Variants in PPP2CB observed in about 807,000 individuals in gnomAD.
The protein encoded by PPP2CB is protein phosphatase 2 catalytic subunit beta, also known as serine/threonine-protein phosphatase 2A catalytic subunit beta isoform.
In PPP2CB, 18 loss-of-function variants were observed where a neutral mutation model predicts 39.1. The ratio of observed to expected loss-of-function variants is 0.46; its 90% confidence interval spans 0.32 to 0.68. PPP2CB has a LOEUF of 0.68. PPP2CB is among the 30% of genes least tolerant of loss of function. PPP2CB has a pLI of 0.04. For synonymous variants in PPP2CB, 129 were observed against 133.8 expected, an observed-to-expected ratio of 0.96 and a Z score of 0.25; for missense variants, 226 against 396.9, an observed-to-expected ratio of 0.57 and a Z score of 3.66.
Position 30,812,794 on chromosome 8 carries a change from C to A in PPP2CB, c.-373G>T, listed in dbSNP as rs530063492. The stretch of plus-strand genomic sequence containing the variant: ...GCCCGCCTCACGCCTACCGGCCTCT[C>A]CCGACTTGTCTTTCCCCTTCTCTCG... On this transcript the variant is annotated 5_prime_UTR_variant, in exon 1 of 7. Transcript: ENST00000221138. 1.7e-4 allele frequency: 77 copies of A among 463,526 alleles called. No individual in the cohort carries two copies. Among genetic ancestry groups the A allele is most frequent in the Middle Eastern group, 1.6e-3 (5 of 3,106 alleles). 28.7% of individuals were successfully genotyped at this position (463,526 alleles called of 1,614,324 possible). A position where few individuals can be genotyped will look rare whatever the true frequency, so the allele number is the denominator to read the frequency against.
intron 6 of PPP2CB, among the ~76,000 whole-genome samples, chr8:30,790,331 T>C (rs1806410366): frequency 6.6e-6 from 1 of 152,214 alleles, no homozygotes; most frequent in African/African-American, 2.4e-5. Context: ...TTCTTGGCTT[T>C]TTCCCTGGTG....
chr8:30,794,083 C>A lies in PPP2CB; in HGVS notation c.577-5G>T, dbSNP rs1346617296. On this transcript the variant is annotated splice_region_variant and splice_polypyrimidine_tract_variant and intron_variant, in intron 4 of 6. Transcript: ENST00000221138. ...TAACAGATCACACATTGGGCCCTGG[C>A]CAAGAAAAATAAGTACATGTTACAA... is the stretch of plus-strand genomic sequence containing the variant. 3 of 1,603,410 alleles carry A rather than the reference C, an allele frequency of 1.9e-6. No individual in the cohort carries two copies. Among genetic ancestry groups the A allele is most frequent in the Non-Finnish European group, 2.6e-6 (3 of 1,174,474 alleles).
At chr8:30,808,745 C>G (rs1368216518) in intron 1 of PPP2CB, among the ~76,000 whole-genome samples, 1 of 151,936 alleles carries the variant, frequency 6.6e-6, no homozygotes, top group African/African-American at 2.4e-5. Context: ...GGTTCTATAG[C>G]CACTATATAA....
chr8:30,786,669 T>A (rs1462064605), intron 6 of PPP2CB, among the ~76,000 whole-genome samples: 1 of 147,770 alleles, frequency 6.8e-6, no homozygotes, highest in South Asian at 2.1e-4. Flanking sequence ...TCACTTTTTT[T>A]TTTTTTTTTT....
At chr8:30,790,362 T>TG (rs1806410765) in intron 6 of PPP2CB, among the ~76,000 whole-genome samples, 1 of 152,228 alleles carries the variant, frequency 6.6e-6, no homozygotes, top group African/African-American at 2.4e-5. Context: ...AACAACATGT[T>TG]GCTCTGCTCT....
intron 5 of PPP2CB, among the ~76,000 whole-genome samples, chr8:30,792,004 A>G (rs1027546515): frequency 1.4e-5 from 2 of 146,272 alleles, no homozygotes; most frequent in African/African-American, 5.5e-5. Flanking sequence ...ATATATGTAT[A>G]CACACATACA....
chr8:30,806,710 CTT>C (rs1222607256), intron 1 of PPP2CB, among the ~76,000 whole-genome samples: 2 of 152,144 alleles, frequency 1.3e-5, no homozygotes, highest in South Asian at 2.1e-4. Context: ...TTCACCAAGT[CTT>C]TTATAACATT....
intron 1 of PPP2CB, among the ~76,000 whole-genome samples, chr8:30,806,627 G>A (rs1806730691): frequency 6.6e-6 from 1 of 152,042 alleles, no homozygotes; most frequent in Non-Finnish European, 1.5e-5. Context: ...AACAATCTAG[G>A]AAAATTAATT....
chr8:30,790,791 C>G (rs1806416299), intron 6 of PPP2CB, among the ~76,000 whole-genome samples: 1 of 152,156 alleles, frequency 6.6e-6, no homozygotes, highest in Admixed American at 6.5e-5. Flanking sequence ...TGGGAGTGAA[C>G]CCACAGCCCC....
intron 3 of PPP2CB, among the ~76,000 whole-genome samples, chr8:30,797,337 A>G (rs1806544157): frequency 6.6e-6 from 1 of 152,250 alleles, no homozygotes. Flanking sequence ...CTTAAAAAGC[A>G]CAGCATATTC....
At chr8:30,811,897 G>C (rs898935930) in intron 1 of PPP2CB, among the ~76,000 whole-genome samples, 1 of 152,172 alleles carries the variant, frequency 6.6e-6, no homozygotes, top group Non-Finnish European at 1.5e-5. Context: ...GTTAATTTTA[G>C]TTGCATTTTC....
intron 1 of PPP2CB, among the ~76,000 whole-genome samples, chr8:30,801,392 C>A (rs1296788737): frequency 6.6e-6 from 1 of 152,056 alleles, no homozygotes; most frequent in Non-Finnish European, 1.5e-5. Flanking sequence ...ATTAGCCCGG[C>A]ATGGTGGCGG....
chr8:30,805,879 A>G (rs556210720), intron 1 of PPP2CB, among the ~76,000 whole-genome samples: 1 of 152,290 alleles, frequency 6.6e-6, no homozygotes, highest in East Asian at 1.9e-4. Context: ...TTTGATCACA[A>G]AAGTATCTCA....
At position 30,799,449 on chromosome 8, in the gene PPP2CB, C is replaced by G; in HGVS notation, c.312+97G>C. 3 of 1,009,346 alleles carry G rather than the reference C, an allele frequency of 3.0e-6. No individual in the cohort carries two copies. In the Admixed American group the frequency reaches 6.9e-5, roughly 23 times the overall value. The allele number at this position is 1,009,346 out of a possible 1,614,324, so 62.5% of individuals were successfully genotyped here. A position where few individuals can be genotyped will look rare whatever the true frequency, so the allele number is the denominator to read the frequency against. ...AATTATTATTTTAAGGGGCTATAAACTGAACAGACCATAAAACAGATGATA... is the reference window on the plus strand; with the variant it reads ...AATTATTATTTTAAGGGGCTATAAAGTGAACAGACCATAAAACAGATGATA... On this transcript the variant is annotated intron_variant, in intron 2 of 6. Transcript: ENST00000221138.
At chr8:30,802,880 G>C (rs962193337) in intron 1 of PPP2CB, among the ~76,000 whole-genome samples, 2 of 152,162 alleles carry the variant, frequency 1.3e-5, no homozygotes, top group Non-Finnish European at 2.9e-5. Flanking sequence ...CCCTGGAAAT[G>C]AAATTCAAAT....
chr8:30,792,113 G>A (rs1459579174), intron 5 of PPP2CB, among the ~76,000 whole-genome samples: 1 of 151,838 alleles, frequency 6.6e-6, no homozygotes, highest in Admixed American at 6.6e-5. Flanking sequence ...CTGGAGTGCA[G>A]TGGTGCGATC....
At chr8:30,796,775 T>C (rs367626798) in intron 3 of PPP2CB, among the ~76,000 whole-genome samples, 7 of 152,262 alleles carry the variant, frequency 4.6e-5, no homozygotes, top group Non-Finnish European at 8.8e-5. Context: ...AATTTCTTCT[T>C]ATACTTTTGA....
chr8:30,795,447 T>C (rs1390604618), intron 3 of PPP2CB, among the ~76,000 whole-genome samples: 1 of 152,238 alleles, frequency 6.6e-6, no homozygotes, highest in Non-Finnish European at 1.5e-5. Context: ...TAGCTGATAG[T>C]ACAACTGGCG....
chr8:30,794,528 C>A, intron 3 of PPP2CB: 1 of 416,462 alleles, frequency 2.4e-6, no homozygotes. Context: ...CAATGGTATC[C>A]CCATCCTTGG....
Sources: allele counts gnomAD v4.1 joint callset (sites outside exome capture counted in the v4.1 genomes callset), GRCh38; gene constraint gnomAD v4.1.1; transcripts MANE v1.5; gene names NCBI Gene and HGNC (gene_info 2026-07-23, HGNC 2026-07-21).